The following SMPX variants were observed in gnomAD, a reference collection of about 807,000 sequenced individuals.
SMPX encodes small muscle protein X-linked, also known as small muscular protein.
A neutral mutation model predicts 6.3 loss-of-function variants in SMPX; 2 were observed. That is an observed-to-expected ratio of 0.32 (90% CI 0.13 to 0.99). The LOEUF (loss-of-function observed/expected upper bound fraction) is 0.99, where lower values mean the gene tolerates loss of function less well. Among genes scored for constraint, SMPX ranks in the 50% least tolerant of loss-of-function variants. SMPX has a pLI of 0.49. For synonymous variants in SMPX, 32 were observed against 24.7 expected (o/e 1.30, Z -0.88); for missense variants, 60 against 66.8 (o/e 0.90, Z 0.36).
chrX:21,754,236 G>A lies in SMPX; in HGVS notation c.45+10C>T. The A allele has an allele frequency of 1.3e-5, 16 of 1,203,748 alleles. No homozygotes were observed. The highest frequency in any genetic ancestry group is 1.7e-5 in the Non-Finnish European group (15 of 888,237). On this transcript the variant is annotated intron_variant, in intron 2 of 4. Coordinates refer to ENST00000379494, the MANE Select transcript of SMPX (RefSeq NM_014332.3). ...TAAGCAACCAGGCAAGAAGTTGCAG[G>A]GCTACTTACCTGGATGGCTCTAACA...
At position 21,705,985 on chromosome X, in the gene SMPX, T is replaced by C. The variant is rs2092772418; in HGVS notation, c.*424A>G. 2.2e-6 allele frequency: 1 copy of C among 460,134 alleles called. No homozygotes were observed. The highest frequency in any genetic ancestry group is 3.5e-5 in the Admixed American group (1 of 28,929). 37.9% of individuals were successfully genotyped at this position (460,134 alleles called of 1,213,427 possible). A position where few individuals can be genotyped will look rare whatever the true frequency, so the allele number is the denominator to read the frequency against. On this transcript the variant is annotated 3_prime_UTR_variant, in exon 5 of 5. Coordinates refer to ENST00000379494, the MANE Select transcript of SMPX (RefSeq NM_014332.3). Reference sequence around the variant, plus strand: ...ATTTAGTCTAGATTCACATTTTACATTTAGTCAAATATTTATTTGAACTCA... The same window carrying C: ...ATTTAGTCTAGATTCACATTTTACACTTAGTCAAATATTTATTTGAACTCA...
intron 4 of SMPX, among the ~76,000 whole-genome samples, chrX:21,718,214 G>A (rs2092787429): frequency 1.8e-5 from 2 of 112,607 alleles, no homozygotes; most frequent in South Asian, 7.4e-4. Context: ...GGCCATTAAT[G>A]CTCCAATTGT....
rs2092826739 is a variant in SMPX, at chrX:21,750,842, C to T, written c.45+3404G>A. Among the ~76,000 whole-genome samples, 4 of 112,073 alleles carry T rather than the reference C, an allele frequency of 3.6e-5. No individual in the cohort carries two copies. In the Admixed American group the frequency reaches 3.8e-4, roughly 11 times the overall value. On this transcript the variant is annotated intron_variant, in intron 2 of 4. Coordinates refer to ENST00000379494, the MANE Select transcript of SMPX (RefSeq NM_014332.3). ...AGTTGAAGACAAAGCCAAGGCCATT[C>T]CATGCATTACTTGGATACTTAGAAG... is the stretch of plus-strand genomic sequence containing the variant.
chrX:21,728,218 C>T (rs1195277287), intron 4 of SMPX, among the ~76,000 whole-genome samples: 2 of 15,958 alleles, frequency 1.3e-4, no homozygotes, highest in African/African-American at 1.3e-3. Flanking sequence ...CCTCCTTTCT[C>T]TCTCTCTCTC....
At chrX:21,711,439 ACCAGCTGAAAAGTCATTCT>A (rs2147370786) in intron 4 of SMPX, among the ~76,000 whole-genome samples, 1 of 111,871 alleles carries the variant, frequency 8.9e-6, no homozygotes, top group South Asian at 3.8e-4. Context: ...AGGTATGGCA[ACCAGCTGAAAAGTCATTCT>A]CTAGCTACCC....
intron 4 of SMPX, among the ~76,000 whole-genome samples, chrX:21,707,963 T>C (rs2092774710): frequency 8.9e-6 from 1 of 112,507 alleles, no homozygotes; most frequent in South Asian, 3.7e-4. Flanking sequence ...TTTTAAACAT[T>C]GAATTTGGGG....
chrX:21,743,363 T>G (rs1233436809), intron 3 of SMPX, among the ~76,000 whole-genome samples: 1 of 111,276 alleles, frequency 9.0e-6, no homozygotes, highest in Admixed American at 9.6e-5. Flanking sequence ...ATCTAGTGAC[T>G]ACTGCTAGAC....
chrX:21,722,554 AACTGTAACAGTGTCAGC>A (rs2092792813), intron 4 of SMPX, among the ~76,000 whole-genome samples: 1 of 112,309 alleles, frequency 8.9e-6, no homozygotes, highest in Non-Finnish European at 1.9e-5. Context: ...CCAACCCTTG[AACTGTAACAGTGTCAGC>A]ACTTACTAAA....
At chrX:21,739,669 A>G (rs1241788662) in intron 3 of SMPX, among the ~76,000 whole-genome samples, 2 of 112,510 alleles carry the variant, frequency 1.8e-5, no homozygotes, top group Non-Finnish European at 3.8e-5. Context: ...TAACAAGGCT[A>G]TAAAGTGCTG....
intron 4 of SMPX, among the ~76,000 whole-genome samples, chrX:21,718,121 G>A (rs1008805171): frequency 7.1e-5 from 8 of 112,283 alleles, no homozygotes; most frequent in African/African-American, 9.7e-5. Context: ...TGAAAGATCC[G>A]CTGATTGCAG....
At chrX:21,743,260 G>A (rs778441457) in intron 3 of SMPX, among the ~76,000 whole-genome samples, 1 of 111,720 alleles carries the variant, frequency 9.0e-6, no homozygotes, top group South Asian at 3.8e-4. Context: ...AATTTAATGT[G>A]CTTACTTTCT....
rs141128945 is a variant in SMPX, at chrX:21,712,117, A to C, written c.*15-5723T>G. 6.8e-3 allele frequency among the ~76,000 whole-genome samples: 766 copies of C among 112,285 alleles called. 3 individuals carry two copies. Among genetic ancestry groups the C allele is most frequent in the African/African-American group, 0.023 (714 of 30,887 alleles). On this transcript the variant is annotated intron_variant, in intron 4 of 4. Transcript: ENST00000379494. Reference sequence around the variant, plus strand: ...ATTGCACCCAAACAACTCCAAACCCAAAACTCTTTCTTTTTTCCCAAACAG... The same window carrying C: ...ATTGCACCCAAACAACTCCAAACCCCAAACTCTTTCTTTTTTCCCAAACAG...
chrX:21,751,016 G>A (rs150593533), intron 2 of SMPX, among the ~76,000 whole-genome samples: 286 of 112,424 alleles, frequency 2.5e-3, no homozygotes, highest in African/African-American at 8.5e-3. Flanking sequence ...TTGACTCCAT[G>A]TTGTCTGGAG....
chrX:21,758,110 A>C lies in SMPX; in HGVS notation c.-181T>G. 3.0e-6 allele frequency: 1 copy of C among 329,545 alleles called. No homozygotes were observed. Among genetic ancestry groups the C allele is most frequent in the Non-Finnish European group, 5.9e-6 (1 of 170,056 alleles). The allele number at this position is 329,545 out of a possible 1,213,427, so 27.2% of individuals were successfully genotyped here. A position where few individuals can be genotyped will look rare whatever the true frequency, so the allele number is the denominator to read the frequency against. Reference sequence around the variant, plus strand: ...GCTCTGTGCCTCTCCCGGTATTGAGAACTGCTCCTGGCTCGGGGCTGGAGG... The same window carrying C: ...GCTCTGTGCCTCTCCCGGTATTGAGCACTGCTCCTGGCTCGGGGCTGGAGG... On this transcript the variant is annotated 5_prime_UTR_variant, in exon 1 of 5. Coordinates refer to ENST00000379494, the MANE Select transcript of SMPX (RefSeq NM_014332.3).
At chrX:21,751,232 T>C (rs955744671) in intron 2 of SMPX, among the ~76,000 whole-genome samples, 2 of 112,370 alleles carry the variant, frequency 1.8e-5, no homozygotes, top group Non-Finnish European at 3.8e-5. Context: ...GGAAATAACT[T>C]GATGCCATTA....
At chrX:21,717,761 T>C (rs1031238765) in intron 4 of SMPX, among the ~76,000 whole-genome samples, 1 of 112,406 alleles carries the variant, frequency 8.9e-6, no homozygotes, top group Non-Finnish European at 1.9e-5. Context: ...CCATGGATGC[T>C]TTGCCCAGTT....
intron 3 of SMPX, among the ~76,000 whole-genome samples, chrX:21,742,987 A>G (rs2092817584): frequency 8.9e-6 from 1 of 112,326 alleles, no homozygotes; most frequent in Non-Finnish European, 1.9e-5. Context: ...CAGACCTTCC[A>G]GGTTTCAGCA....
intron 4 of SMPX, among the ~76,000 whole-genome samples, chrX:21,711,024 G>A (rs1346818813): frequency 8.9e-6 from 1 of 111,808 alleles, no homozygotes; most frequent in Non-Finnish European, 1.9e-5. Flanking sequence ...AATTCAAGAA[G>A]GCCCAACATG....
At chrX:21,717,381 G>A (rs761366508) in intron 4 of SMPX, among the ~76,000 whole-genome samples, 88 of 112,247 alleles carry the variant, frequency 7.8e-4, no homozygotes, top group Non-Finnish European at 1.5e-3. Context: ...TCCCAGCCAT[G>A]CTGAACTGTG....
Sources: allele counts gnomAD v4.1 joint callset (sites outside exome capture counted in the v4.1 genomes callset), GRCh38; gene constraint gnomAD v4.1.1; transcripts MANE v1.5; gene names NCBI Gene and HGNC (gene_info 2026-07-23, HGNC 2026-07-21).